The following FREM1 variants were observed in gnomAD, a reference collection of about 807,000 sequenced individuals.
FREM1 encodes FRAS1 related extracellular matrix 1.
A neutral mutation model predicts 210.1 loss-of-function variants in FREM1; 220 were observed. The ratio of observed to expected loss-of-function variants is 1.05; its 90% CI spans 0.94 to 1.17. The LOEUF is 1.17. Among genes scored for constraint, FREM1 ranks in the 50% most tolerant of loss-of-function variants. The pLI, the probability that FREM1 is intolerant of heterozygous loss-of-function variation, is 0.00. For missense variants in FREM1, 3,454 were observed against 2,675.5 expected (o/e 1.29, Z -6.42); for synonymous variants, 1,189 against 980.2 (o/e 1.21, Z -3.98).
intron 29 of FREM1, among the ~76,000 whole-genome samples, chr9:14,755,517 T>C (rs1279841518): frequency 1.3e-5 from 2 of 152,096 alleles, no homozygotes; most frequent in African/African-American, 4.8e-5. Context: ...TTCAGATCCA[T>C]CTCAAACCCC....
At chr9:14,882,927 A>AAAAAAAAAAAAAAAAAAAAAAG (rs1835065301) in intron 1 of FREM1, among the ~76,000 whole-genome samples, 1 of 150,156 alleles carries the variant, frequency 6.7e-6, no homozygotes, top group African/African-American at 2.4e-5. Flanking sequence ...AAAAAAAAAA[A>AAAAAAAAAAAAAAAAAAAAAAG]AGGAATCACC....
intron 25 of FREM1, 82 bp downstream of exon 25, chr9:14,775,707 C>CAAAAAAA: frequency 2.7e-6 from 1 of 374,364 alleles, no homozygotes; most frequent in Non-Finnish European, 4.2e-6. Context: ...GACTCCCTCT[C>CAAAAAAA]AAAAAAAAAA....
chr9:14,859,131 A>T, intron 4 of FREM1, 52 bp downstream of exon 4: 1 of 1,417,814 alleles, frequency 7.1e-7, no homozygotes. Context: ...GCATGCATGG[A>T]TATTTTTGTC....
At chr9:14,775,707 CAAAAAAAA>C (rs35187926) in intron 25 of FREM1, 74 bp downstream of exon 25, 4 of 375,324 alleles carry the variant, frequency 1.1e-5, no homozygotes, top group African/African-American at 6.6e-5. Flanking sequence ...GACTCCCTCT[CAAAAAAAA>C]AAAAAAAAAA....
chr9:14,740,652 T>G (rs1194555614), intron 35 of FREM1, among the ~76,000 whole-genome samples: 2 of 152,204 alleles, frequency 1.3e-5, no homozygotes, highest in Non-Finnish European at 2.9e-5. Context: ...CCAAACTAAC[T>G]ATTTAGATAA....
At chr9:14,881,901 T>C (rs1834859269) in intron 1 of FREM1, among the ~76,000 whole-genome samples, 1 of 152,178 alleles carries the variant, frequency 6.6e-6, no homozygotes, top group African/African-American at 2.4e-5. Context: ...TTTTTCTTTA[T>C]GCTTCCCTCC....
chr9:14,863,848 G>GGACAACCAT lies in FREM1; in HGVS notation c.281_289dup (p.Cys96_Pro97insHisGlyCys). 1 of 1,613,166 alleles carries GGACAACCAT rather than the reference G, an allele frequency of 6.2e-7. No homozygotes were observed. Among genetic ancestry groups the GGACAACCAT allele is most frequent in the Non-Finnish European group, 8.5e-7 (1 of 1,179,262 alleles). The stretch of plus-strand genomic sequence containing the variant: ...CTTCACTGTGTCTTCATCAAGAATT[G>GGACAACCAT]GACAACCATTGTGAACATACTTGAC... On this transcript the variant is annotated inframe_insertion, in exon 3 of 37. Coordinates refer to ENST00000380880, the MANE Select transcript of FREM1 (RefSeq NM_001379081.2).
At chr9:14,879,426 T>C (rs1588554856) in intron 1 of FREM1, among the ~76,000 whole-genome samples, 1 of 151,778 alleles carries the variant, frequency 6.6e-6, no homozygotes, top group East Asian at 1.9e-4. Flanking sequence ...AAAGAAGAAG[T>C]GAGGTAAAAA....
At position 14,851,353 on chromosome 9, in the gene FREM1, T is replaced by A; in HGVS notation, c.1083A>T (p.Lys361Asn). Residue 361 changes from lysine to asparagine, a missense_variant, in exon 6 of 37, where the codon AAA (lysine) becomes AAT (asparagine). Coordinates refer to ENST00000380880, the MANE Select transcript of FREM1 (RefSeq NM_001379081.2). ...AGGCGATCTGCATGTCACTGAGATC[T>A]TTCCAGGTGAATGAGGAGATTGGTC... ...HTRPISSFTW[K>N]DLSDMQIAYQ... is the part of the protein sequence containing the mutation. 1 of 1,613,182 alleles carries A rather than the reference T, an allele frequency of 6.2e-7. No individual in the cohort carries two copies. Among genetic ancestry groups the A allele is most frequent in the Non-Finnish European group, 8.5e-7 (1 of 1,179,290 alleles).
chr9:14,828,044 G>C (rs1017091096), intron 10 of FREM1, among the ~76,000 whole-genome samples: 2 of 152,240 alleles, frequency 1.3e-5, no homozygotes, highest in African/African-American at 4.8e-5. Flanking sequence ...TGCCTCAGGT[G>C]CAGGGCTGCT....
intron 1 of FREM1, among the ~76,000 whole-genome samples, chr9:14,876,970 T>A (rs10810278): frequency 0.5 from 76,594 of 151,892 alleles, 20,753 homozygotes; most frequent in East Asian, 0.72. Flanking sequence ...TAAGGGGGAA[T>A]CTTTGCTTTC....
At chr9:14,903,395 G>C (rs1839123705) in intron 1 of FREM1, among the ~76,000 whole-genome samples, 1 of 152,134 alleles carries the variant, frequency 6.6e-6, no homozygotes, top group Non-Finnish European at 1.5e-5. Context: ...CTTGACTGCT[G>C]GGAAAGAGTG....
intron 5 of FREM1, among the ~76,000 whole-genome samples, chr9:14,855,421 C>T (rs1348099266): frequency 6.6e-6 from 1 of 151,956 alleles, no homozygotes; most frequent in Non-Finnish European, 1.5e-5. Flanking sequence ...AGGAAGAAGA[C>T]CTTTAAAAAT....
At chr9:14,813,629 C>A (rs1450137086) in intron 15 of FREM1, among the ~76,000 whole-genome samples, 3 of 152,138 alleles carry the variant, frequency 2.0e-5, no homozygotes, top group Non-Finnish European at 4.4e-5. Context: ...CAGGTTTCAT[C>A]CCGACAAAAT....
intron 24 of FREM1, chr9:14,782,233 A>G (rs1849751227): frequency 1.2e-5 from 4 of 339,536 alleles, no homozygotes; most frequent in Non-Finnish European, 1.3e-5. Context: ...AGAAATGTAG[A>G]AATTCCTGGG....
chr9:14,752,010 T>A (rs1471397370), intron 29 of FREM1, among the ~76,000 whole-genome samples: 2 of 150,198 alleles, frequency 1.3e-5, no homozygotes, highest in Non-Finnish European at 3.0e-5. Flanking sequence ...CTAGTATGTA[T>A]AATAATACCA....
chr9:14,909,277 A>G (rs1818321625), intron 1 of FREM1, among the ~76,000 whole-genome samples: 1 of 152,234 alleles, frequency 6.6e-6, no homozygotes, highest in South Asian at 2.1e-4. Flanking sequence ...GGATTTCAAA[A>G]TAAAATGAAA....
At chr9:14,879,464 A>C (rs1028607980) in intron 1 of FREM1, among the ~76,000 whole-genome samples, 1 of 152,202 alleles carries the variant, frequency 6.6e-6, no homozygotes, top group Non-Finnish European at 1.5e-5. Context: ...TTGTTTCATT[A>C]TTGCCACACA....
chr9:14,889,729 C>G (rs1314733268), intron 1 of FREM1, among the ~76,000 whole-genome samples: 1 of 152,208 alleles, frequency 6.6e-6, no homozygotes, highest in East Asian at 1.9e-4. Context: ...GAAGGGAAAA[C>G]TCCTTTCCTT....
Sources: gnomAD v4.1 joint callset for allele counts (sites outside exome capture counted in the v4.1 genomes callset) on GRCh38, gnomAD v4.1.1 for gene constraint, MANE v1.5 for transcripts, NCBI Gene and HGNC (gene_info 2026-07-23, HGNC 2026-07-21) for gene names.